Variants in AP1G1 observed in about 807,000 individuals in gnomAD.
AP1G1 encodes AP-1 complex subunit gamma-1.
Under a neutral mutation model 108.3 loss-of-function variants are expected in AP1G1, and 7 were observed. The ratio of observed to expected loss-of-function variants is 0.06; its 90% CI spans 0.04 to 0.12. AP1G1 has a LOEUF of 0.12. AP1G1 is among the 10% of genes least tolerant of loss of function. The pLI is 1.00. For missense variants in AP1G1, 756 were observed against 1,010.7 expected (o/e 0.75, Z 3.42); for synonymous variants, 379 against 353.5 (o/e 1.07, Z -0.81).
intron 21 of AP1G1, among the ~76,000 whole-genome samples, chr16:71,736,558 AT>A (rs1265621968): frequency 3.8e-5 from 2 of 52,316 alleles, no homozygotes; most frequent in Admixed American, 1.8e-4. Context: ...TTTATTATTT[AT>A]TTATTTATTT....
rs114652613 is a variant in AP1G1, at chr16:71,767,501, G to A, written c.643-1917C>T. ...TAAAGTATGAGGTTACCCACATGCG[G>A]TTCTAAAATATCTACTTCAAAAAGC... On this transcript the variant is annotated intron_variant, in intron 6 of 22. Coordinates refer to ENST00000299980, the MANE Select transcript of AP1G1 (RefSeq NM_001128.6). Among the ~76,000 whole-genome samples the A allele has an allele frequency of 4.3e-3, 662 of 152,342 alleles. 11 individuals carry two copies. Among genetic ancestry groups the A allele is most frequent in the African/African-American group, 0.015 (642 of 41,582 alleles).
At chr16:71,795,728 C>T (rs986372453) in intron 1 of AP1G1, among the ~76,000 whole-genome samples, 3 of 152,190 alleles carry the variant, frequency 2.0e-5, no homozygotes, top group Non-Finnish European at 4.4e-5. Context: ...TTTTACTTTA[C>T]AATACATCTT....
At chr16:71,787,753 T>C (rs2032259698) in intron 2 of AP1G1, among the ~76,000 whole-genome samples, 1 of 152,218 alleles carries the variant, frequency 6.6e-6, no homozygotes, top group Admixed American at 6.5e-5. Flanking sequence ...GATCAATTTT[T>C]GATGTGGTAA....
In AP1G1 at chr16:71,774,449, AAAGAAAAGT is replaced by A; in HGVS notation, c.326+10_326+18del. 1 of 1,587,240 alleles carries A rather than the reference AAAGAAAAGT, an allele frequency of 6.3e-7. No individual in the cohort carries two copies. On this transcript the variant is annotated intron_variant, in intron 3 of 22. Transcript: ENST00000299980. Reference sequence around the variant, plus strand: ...CAAAGTAGTTAACAGTTGTTAGAAGAAAGAAAAGTAAGACTTACTTCTTGATACAGTTGG... The same window carrying A: ...CAAAGTAGTTAACAGTTGTTAGAAGAAAGACTTACTTCTTGATACAGTTGG...
At chr16:71,771,950 C>G (rs1415542731) in intron 4 of AP1G1, among the ~76,000 whole-genome samples, 11 of 152,062 alleles carry the variant, frequency 7.2e-5, no homozygotes, top group Non-Finnish European at 2.9e-5. Flanking sequence ...GATGGTTTTA[C>G]TAGCTTGTTC....
At chr16:71,772,910 TATTA>T (rs2031631834) in intron 4 of AP1G1, 2 of 397,108 alleles carry the variant, frequency 5.0e-6, no homozygotes, top group Admixed American at 3.6e-5. Flanking sequence ...AAGATATGGG[TATTA>T]ATTATTAGGA....
intron 4 of AP1G1, among the ~76,000 whole-genome samples, chr16:71,772,106 G>T (rs2031594019): frequency 6.7e-6 from 1 of 150,222 alleles, no homozygotes. Flanking sequence ...GTTATATTTG[G>T]GAGGAAAAAA....
Position 71,764,336 on chromosome 16 carries a change from T to G in AP1G1, c.918+14A>C. ...AACATTTAGGGGGGGAAGAAAAGAT[T>G]CAAAAAGACTTACTCGCAATCCACT... On this transcript the variant is annotated intron_variant, in intron 9 of 22. Coordinates refer to ENST00000299980, the MANE Select transcript of AP1G1 (RefSeq NM_001128.6). 1 of 1,522,538 alleles carries G rather than the reference T, an allele frequency of 6.6e-7. No individual in the cohort carries two copies. The highest frequency in any genetic ancestry group is 9.0e-7 in the Non-Finnish European group (1 of 1,109,526). The allele number at this position is 1,522,538 out of a possible 1,614,324, so 94.3% of individuals were successfully genotyped here.
intron 1 of AP1G1, among the ~76,000 whole-genome samples, chr16:71,798,859 G>C (rs1187516727): frequency 1.3e-5 from 2 of 151,708 alleles, no homozygotes; most frequent in African/African-American, 4.8e-5. Context: ...CTGCACTCTA[G>C]CCTGGGCGAC....
intron 1 of AP1G1, among the ~76,000 whole-genome samples, chr16:71,790,358 T>A (rs1330102742): frequency 6.6e-6 from 1 of 151,864 alleles, no homozygotes; most frequent in African/African-American, 2.4e-5. Context: ...CTGACCAACA[T>A]GGAGAAACCC....
At chr16:71,773,413 C>A (rs2031649456) in intron 3 of AP1G1, 51 bp from the exon 4 acceptor site, 2 of 1,459,806 alleles carry the variant, frequency 1.4e-6, no homozygotes, top group Non-Finnish European at 1.8e-6. Flanking sequence ...CCCCAAGAAG[C>A]AGCTTCACAA....
chr16:71,808,682 A>G, intron 1 of AP1G1, 81 bp downstream of exon 1: 1 of 1,287,426 alleles, frequency 7.8e-7, no homozygotes. Flanking sequence ...CTGAAACTGA[A>G]AGGAAGCTTC....
chr16:71,798,916 A>G (rs777941170), intron 1 of AP1G1, among the ~76,000 whole-genome samples: 3 of 152,046 alleles, frequency 2.0e-5, no homozygotes, highest in Non-Finnish European at 4.4e-5. Flanking sequence ...GATAAATGAA[A>G]GACAAGAAAA....
At position 71,730,828 on chromosome 16, in the gene AP1G1, T is replaced by G. The variant is rs1184941923; in HGVS notation, c.*2230A>C. ...GCTATGAATGATCATAAACTCTACC[T>G]CGAAACTATGATCACCCAAGGAAAT... On this transcript the variant is annotated 3_prime_UTR_variant, in exon 23 of 23. Transcript: ENST00000299980. 6.5e-5 allele frequency: 10 copies of G among 152,672 alleles called. 1 individual carries two copies. The highest frequency in any genetic ancestry group is 3.9e-4 in the Admixed American group (6 of 15,300). The allele number at this position is 152,672 out of a possible 1,614,324, so 9.5% of individuals were successfully genotyped here. A position where few individuals can be genotyped will look rare whatever the true frequency, so the allele number is the denominator to read the frequency against.
chr16:71,736,098 CA>C (rs1213680207), intron 21 of AP1G1, among the ~76,000 whole-genome samples: 11 of 25,424 alleles, frequency 4.3e-4, no homozygotes, highest in Admixed American at 1.9e-3. Flanking sequence ...GACTCCATCT[CA>C]AAAAAAAAAA....
chr16:71,757,771 T>A (rs1268112156), intron 11 of AP1G1, among the ~76,000 whole-genome samples: 1 of 152,208 alleles, frequency 6.6e-6, no homozygotes, highest in East Asian at 1.9e-4. Flanking sequence ...AGTTTCACTT[T>A]TTTTGAAATT....
chr16:71,784,581 CAG>C lies in AP1G1; in HGVS notation c.201+4696_201+4697del, dbSNP rs1433139071. ...ATTTTTTTGTTGTTGTTGTTTGAGA[CAG>C]AGTCTCGCTTTGTCGCCCAGGCTGG... On this transcript the variant is annotated intron_variant, in intron 2 of 22. Transcript: ENST00000299980. Among the ~76,000 whole-genome samples the C allele has an allele frequency of 3.3e-5, 5 of 152,104 alleles. No homozygotes were observed. The East Asian group carries it at 7.7e-4, about 23-fold the overall frequency.
chr16:71,773,393 G>C, intron 3 of AP1G1, 31 bp from the exon 4 acceptor site: 1 of 1,472,214 alleles, frequency 6.8e-7, no homozygotes, highest in Non-Finnish European at 9.0e-7. Flanking sequence ...GTAGGAACAA[G>C]CCTGGTGCTC....
At position 71,761,481 on chromosome 16, in the gene AP1G1, C is replaced by G. The variant is rs756482479; in HGVS notation, c.974+31G>C. 1.1e-5 allele frequency: 15 copies of G among 1,428,324 alleles called. No individual in the cohort carries two copies. The South Asian group carries it at 1.7e-4, about 17-fold the overall frequency. 88.5% of individuals were successfully genotyped at this position (1,428,324 alleles called of 1,614,324 possible). A position where few individuals can be genotyped will look rare whatever the true frequency, so the allele number is the denominator to read the frequency against. ...CTTAAAATACTGGGCTTATAATATC[C>G]AAGATAAAAGACATATTTCAGTTAA... On this transcript the variant is annotated intron_variant, in intron 10 of 22. Transcript: ENST00000299980.
Sources: gnomAD v4.1 joint callset for allele counts (sites outside exome capture counted in the v4.1 genomes callset) on GRCh38, gnomAD v4.1.1 for gene constraint, MANE v1.5 for transcripts, NCBI Gene and HGNC (gene_info 2026-07-23, HGNC 2026-07-21) for gene names.